Variants in CCSER1 observed in about 807,000 individuals in gnomAD.
The protein encoded by CCSER1 is coiled-coil serine rich protein 1, also known as serine-rich coiled-coil domain-containing protein 1.
In CCSER1, 41 loss-of-function variants were observed where a neutral mutation model predicts 82.0. That is an observed-to-expected ratio of 0.50 (90% CI 0.39 to 0.65). CCSER1 has a LOEUF of 0.65. Ranked by LOEUF, CCSER1 falls within the 30% of genes least tolerant of loss-of-function variation. CCSER1 has a pLI of 0.00. For missense variants in CCSER1, 1,119 were observed against 1,064.2 expected (o/e 1.05, Z -0.72); for synonymous variants, 414 against 383.9 (o/e 1.08, Z -0.92).
intron 6 of CCSER1, among the ~76,000 whole-genome samples, chr4:90,706,687 G>A (rs1414770679): frequency 6.6e-6 from 1 of 152,148 alleles, no homozygotes; most frequent in Non-Finnish European, 1.5e-5. Flanking sequence ...TCCCCCTAAA[G>A]TTTAGAACAT....
intron 10 of CCSER1, among the ~76,000 whole-genome samples, chr4:91,574,793 C>T (rs989252028): frequency 1.3e-5 from 2 of 151,836 alleles, no homozygotes; most frequent in Non-Finnish European, 2.9e-5. Context: ...TTACTATGCT[C>T]ATTACGTGGA....
intron 10 of CCSER1, among the ~76,000 whole-genome samples, chr4:91,297,389 G>GTGTGTGTGTA (rs1560573847): frequency 3.3e-5 from 3 of 89,822 alleles, no homozygotes; most frequent in Non-Finnish European, 6.8e-5. Context: ...GTGTGTATGT[G>GTGTGTGTGTA]TGTGTGTGTG....
chr4:90,155,205 C>G (rs1047315290), intron 1 of CCSER1, among the ~76,000 whole-genome samples: 78 of 152,210 alleles, frequency 5.1e-4, no homozygotes, highest in Non-Finnish European at 2.1e-4. Context: ...TATATTGAAC[C>G]ATCCTTGCAT....
chr4:90,980,581 C>A (rs1157840246), intron 9 of CCSER1, among the ~76,000 whole-genome samples: 1 of 151,646 alleles, frequency 6.6e-6, no homozygotes, highest in Non-Finnish European at 1.5e-5. Context: ...GATGATATTG[C>A]AGTATTGGGT....
chr4:90,979,663 G>A, intron 9 of CCSER1, among the ~76,000 whole-genome samples: 1 of 151,762 alleles, frequency 6.6e-6, no homozygotes, highest in East Asian at 1.9e-4. Flanking sequence ...GTGAGTAGGA[G>A]TCTTAACTTG....
intron 7 of CCSER1, among the ~76,000 whole-genome samples, chr4:90,801,383 G>T (rs1756781270): frequency 6.6e-6 from 1 of 152,112 alleles, no homozygotes; most frequent in African/African-American, 2.4e-5. Flanking sequence ...TTGTACAAAG[G>T]AGTGTTTTTT....
intron 8 of CCSER1, among the ~76,000 whole-genome samples, chr4:90,848,011 A>G (rs1763415977): frequency 6.6e-6 from 1 of 152,190 alleles, no homozygotes; most frequent in African/African-American, 2.4e-5. Flanking sequence ...GATAAGACTG[A>G]TGTTTCTCAT....
chr4:91,464,177 A>G (rs1756706274), intron 10 of CCSER1, among the ~76,000 whole-genome samples: 2 of 149,232 alleles, frequency 1.3e-5, no homozygotes, highest in Admixed American at 6.7e-5. Context: ...TCTACAAGCC[A>G]GAAGAGAGTG....
intron 5 of CCSER1, among the ~76,000 whole-genome samples, chr4:90,627,335 C>T (rs998604572): frequency 2.6e-5 from 4 of 151,888 alleles, no homozygotes; most frequent in Admixed American, 1.3e-4. Context: ...TGGTGGCAAG[C>T]GCCAGAGCAT....
chr4:91,177,959 T>C (rs1733578990), intron 10 of CCSER1, among the ~76,000 whole-genome samples: 1 of 152,210 alleles, frequency 6.6e-6, no homozygotes, highest in African/African-American at 2.4e-5. Context: ...GTGCTATAAA[T>C]TTCCCTCTAC....
intron 9 of CCSER1, among the ~76,000 whole-genome samples, chr4:90,984,818 T>C (rs1561446279): frequency 1.3e-5 from 2 of 151,872 alleles, no homozygotes; most frequent in Admixed American, 6.6e-5. Flanking sequence ...CTTAGTATCT[T>C]AGTCTGTACA....
intron 10 of CCSER1, among the ~76,000 whole-genome samples, chr4:91,543,441 G>A (rs60710816): frequency 8.8e-4 from 134 of 152,170 alleles, no homozygotes; most frequent in African/African-American, 2.7e-3. Flanking sequence ...GGCTGGTACC[G>A]GTTGTTCCTT....
chr4:91,527,149 T>A (rs1293579710), intron 10 of CCSER1, among the ~76,000 whole-genome samples: 2 of 152,050 alleles, frequency 1.3e-5, no homozygotes, highest in Non-Finnish European at 2.9e-5. Context: ...AAAGAGAAAA[T>A]GATATTTTGG....
intron 3 of CCSER1, among the ~76,000 whole-genome samples, chr4:90,388,392 CT>C (rs1750421153): frequency 6.6e-6 from 1 of 152,026 alleles, no homozygotes; most frequent in African/African-American, 2.4e-5. Context: ...TCACTGCAAC[CT>C]TTGCCCGCTG....
intron 8 of CCSER1, among the ~76,000 whole-genome samples, chr4:90,860,615 G>A (rs1325984764): frequency 6.6e-6 from 1 of 151,470 alleles, no homozygotes; most frequent in Non-Finnish European, 1.5e-5. Context: ...AGCTCAATGT[G>A]GAAATAATGC....
intron 1 of CCSER1, among the ~76,000 whole-genome samples, chr4:90,231,258 A>T (rs1441860117): frequency 8.5e-5 from 13 of 152,234 alleles, no homozygotes; most frequent in Non-Finnish European, 1.5e-5. Context: ...ACAGCACATC[A>T]AAAAGCTTAT....
intron 6 of CCSER1, among the ~76,000 whole-genome samples, chr4:90,691,763 T>A (rs1027053784): frequency 2.6e-5 from 4 of 151,754 alleles, no homozygotes; most frequent in Non-Finnish European, 2.9e-5. Context: ...GTAAATTGCA[T>A]GTCACAGGGG....
intron 9 of CCSER1, among the ~76,000 whole-genome samples, chr4:91,051,557 C>T (rs1743008134): frequency 6.6e-6 from 1 of 151,906 alleles, no homozygotes; most frequent in African/African-American, 2.4e-5. Context: ...GATTTATGTA[C>T]AGTTATTTAT....
intron 1 of CCSER1, among the ~76,000 whole-genome samples, chr4:90,243,334 C>A (rs1025810338): frequency 3.3e-5 from 5 of 152,022 alleles, no homozygotes; most frequent in African/African-American, 1.2e-4. Context: ...CTGCAACCTC[C>A]GTCTCCCGGG....
Sources: allele counts gnomAD v4.1 joint callset (sites outside exome capture counted in the v4.1 genomes callset), GRCh38; gene constraint gnomAD v4.1.1; transcripts MANE v1.5; gene names NCBI Gene and HGNC (gene_info 2026-07-23, HGNC 2026-07-21).